The following GP6 variants were observed in gnomAD, a reference collection of about 807,000 sequenced individuals.
The protein encoded by GP6 is platelet glycoprotein VI.
Under a neutral mutation model 37.3 loss-of-function variants are expected in GP6, and 45 were observed. The ratio of observed to expected loss-of-function variants is 1.21; its 90% CI spans 0.95 to 1.55. The LOEUF is 1.55. GP6 is among the 40% of genes most tolerant of loss of function. The pLI, the probability that GP6 is intolerant of heterozygous loss-of-function variation, is 0.00. For missense variants in GP6, 813 were observed against 760.2 expected, an observed-to-expected ratio of 1.07 and a Z score of -0.82; for synonymous variants, 340 against 316.4, an observed-to-expected ratio of 1.07 and a Z score of -0.79.
At chr19:55,023,971 A>G (rs1367304883) in intron 5 of GP6, among the ~76,000 whole-genome samples, 1 of 121,544 alleles carries the variant, frequency 8.2e-6, no homozygotes, top group Admixed American at 8.4e-5. Flanking sequence ...TGAATATAAA[A>G]GGGTAGCCCA....
Position 55,018,694 on chromosome 19 carries a change from C to A in GP6, c.682G>T (p.Ala228Ser), listed in dbSNP as rs781194651. The stretch of plus-strand genomic sequence containing the variant: ...TTTGTGAATGAGACGGTCAGTTCAG[C>A]GGTGGCTTCTGAGAATTCTAAGAAA... Residue 228 changes from alanine to serine, a missense_variant, in exon 6 of 8, where the codon GCT becomes TCT. Transcript: ENST00000310373. 1.2e-6 allele frequency: 2 copies of A among 1,608,914 alleles called. No homozygotes were observed. The highest frequency in any genetic ancestry group is 2.7e-5 in the African/African-American group (2 of 74,818).
chr19:55,025,362 C>G (rs964419339), intron 4 of GP6, 91 bp from the exon 5 acceptor site: 2 of 839,050 alleles, frequency 2.4e-6, no homozygotes, highest in Non-Finnish European at 4.0e-6. Context: ...GTTTCCTCAC[C>G]GGAAAAATGA....
chr19:55,029,478 C>T (rs2074479126), intron 3 of GP6, among the ~76,000 whole-genome samples: 1 of 144,662 alleles, frequency 6.9e-6, no homozygotes, highest in Non-Finnish European at 1.5e-5. Flanking sequence ...GCAACCTCCA[C>T]CTCCTGGGTT....
intron 1 of GP6, among the ~76,000 whole-genome samples, chr19:55,034,599 A>G (rs753976311): frequency 9.2e-5 from 14 of 151,966 alleles, no homozygotes; most frequent in Non-Finnish European, 1.9e-4. Flanking sequence ...CTCCAGACTG[A>G]CAACAGAGCA....
At chr19:55,015,656 G>A (rs1471063999) in intron 7 of GP6, 27 bp downstream of exon 7, 2 of 1,410,810 alleles carry the variant, frequency 1.4e-6, no homozygotes, top group Non-Finnish European at 2.0e-6. Flanking sequence ...GAGAAGGAAG[G>A]GGGTCTGGAG....
rs1361775751 is a variant in GP6 at position 55,033,099 on chromosome 19, CTCGTTCGTGTTAGACACGGTGGGT to C, written c.35-585_35-562del. Among the ~76,000 whole-genome samples the C allele has an allele frequency of 1.2e-3, 25 of 20,994 alleles. 1 individual carries two copies. Among genetic ancestry groups the C allele is most frequent in the African/African-American group, 2.7e-3 (24 of 9,028 alleles). The allele number at this position is 20,994 out of a possible 152,430, so 13.8% of individuals were successfully genotyped here. A position where few individuals can be genotyped will look rare whatever the true frequency, so the allele number is the denominator to read the frequency against. On this transcript the variant is annotated intron_variant, in intron 1 of 7. Coordinates refer to ENST00000310373, the MANE Select transcript of GP6 (RefSeq NM_001083899.2). ...TTCGTGTTGTGTTAGACACGGTGGACTCGTTCGTGTTAGACACGGTGGGTTCGTTCGTGTTAGACACGGTGGGTT... is the reference window on the plus strand; with the variant it reads ...TTCGTGTTGTGTTAGACACGGTGGACTCGTTCGTGTTAGACACGGTGGGTT...
rs1671153 is a variant in GP6, at chr19:55,015,821, G to T, written c.725-88C>A. On this transcript the variant is annotated intron_variant, in intron 6 of 7. Coordinates refer to ENST00000310373, the MANE Select transcript of GP6 (RefSeq NM_001083899.2). Reference sequence around the variant, plus strand: ...CTACTCCGAACACACACACACATGGGGAGGCACAATTCCACAGCATTTAAG... The same window carrying T: ...CTACTCCGAACACACACACACATGGTGAGGCACAATTCCACAGCATTTAAG... 606,730 of 767,388 alleles carry T rather than the reference G, an allele frequency of 0.79. 243,203 individuals are homozygous for T. Among genetic ancestry groups the T allele is most frequent in the Non-Finnish European group, 0.82 (347,790 of 422,046 alleles). The allele number at this position is 767,388 out of a possible 1,614,324, so 47.5% of individuals were successfully genotyped here. A position where few individuals can be genotyped will look rare whatever the true frequency, so the allele number is the denominator to read the frequency against.
chr19:55,032,277 T>G lies in GP6; in HGVS notation c.187A>C (p.Ser63Arg). The change falls in exon 3 of 8, where the codon AGT becomes CGT. Residue 63 changes from serine (S) to arginine (R), a missense_variant. Ser to Arg is a moderately radical substitution (Grantham distance 110, BLOSUM62 -1). Coordinates refer to ENST00000310373, the MANE Select transcript of GP6 (RefSeq NM_001083899.2). ...GCCTGATCCTGGTACCTGCTGGAAC[T>G]CAGCTTCTCCAGGCGGTACAGGTCC... is the stretch of plus-strand genomic sequence containing the variant. 6.2e-7 allele frequency: 1 copy of G among 1,614,160 alleles called. No homozygotes were observed. The highest frequency in any genetic ancestry group is 8.5e-7 in the Non-Finnish European group (1 of 1,180,022).
intron 3 of GP6, among the ~76,000 whole-genome samples, chr19:55,028,636 A>G (rs190337329): frequency 2.6e-5 from 4 of 152,310 alleles, no homozygotes; most frequent in African/African-American, 9.6e-5. Flanking sequence ...TTGTTTTTCA[A>G]TTATACCTCA....
intron 5 of GP6, among the ~76,000 whole-genome samples, chr19:55,019,900 G>C (rs899452825): frequency 6.6e-6 from 1 of 151,868 alleles, no homozygotes; most frequent in Non-Finnish European, 1.5e-5. Flanking sequence ...GGATGGTCTC[G>C]ATCTCCTGAC....
chr19:55,030,024 A>C (rs1350832213), intron 3 of GP6, among the ~76,000 whole-genome samples: 1 of 152,196 alleles, frequency 6.6e-6, no homozygotes. Context: ...ATTCCCAAAC[A>C]ATTAACATAT....
At position 55,014,213 on chromosome 19, in the gene GP6, C is replaced by G. The variant is rs766725027; in HGVS notation, c.1732G>C (p.Glu578Gln). The G allele has an allele frequency of 1.3e-6, 1 of 772,156 alleles. No individual in the cohort carries two copies. The highest frequency in any genetic ancestry group is 2.3e-6 in the Non-Finnish European group (1 of 437,934). The allele number at this position is 772,156 out of a possible 1,614,324, so 47.8% of individuals were successfully genotyped here. ...CTGCCTCCCAGGCTCAAGCCATTCT[C>G]CCACCTCAGCCCCCTGAGTTGCTGG... Residue 578 changes from glutamate (E) to glutamine (Q), a missense_variant, in exon 8 of 8, where the codon GAG becomes CAG. Coordinates refer to ENST00000310373, the MANE Select transcript of GP6 (RefSeq NM_001083899.2).
intron 5 of GP6, among the ~76,000 whole-genome samples, chr19:55,022,715 A>G (rs1396637678): frequency 2.0e-5 from 3 of 152,220 alleles, no homozygotes; most frequent in African/African-American, 2.4e-5. Context: ...TACACCAACA[A>G]TAGACAGGCA....
At chr19:55,030,335 G>A (rs940104630) in intron 3 of GP6, among the ~76,000 whole-genome samples, 1 of 147,564 alleles carries the variant, frequency 6.8e-6, no homozygotes, top group Non-Finnish European at 1.5e-5. Context: ...GGGCAACATA[G>A]TAAGACCTCT....
intron 1 of GP6, among the ~76,000 whole-genome samples, chr19:55,037,588 C>T (rs575928037): frequency 8.9e-5 from 13 of 145,408 alleles, no homozygotes; most frequent in African/African-American, 1.3e-4. Flanking sequence ...CCACCCGCCT[C>T]GGCCTCCCAA....
chr19:55,014,743 A>G lies in GP6; in HGVS notation c.1202T>C (p.Val401Ala), dbSNP rs1602523958. The stretch of plus-strand genomic sequence containing the variant: ...TGCCCTCAGACAGAGAGGCAGACAG[A>G]CAGACAGACACTGGCCGAACGGCTC... Residue 401 changes from valine (V) to alanine (A), a missense_variant, in exon 8 of 8, where the codon GTC (valine) becomes GCC (alanine). Transcript: ENST00000310373. The G allele has an allele frequency of 6.2e-7, 1 of 1,613,888 alleles. No homozygotes were observed. Among genetic ancestry groups the G allele is most frequent in the Non-Finnish European group, 8.5e-7 (1 of 1,179,942 alleles).
chr19:55,018,522 A>T lies in GP6; in HGVS notation c.724+130T>A, dbSNP rs2073958249. The T allele has an allele frequency of 3.9e-6, 3 of 778,726 alleles. No individual in the cohort carries two copies. In the South Asian group the frequency reaches 4.1e-5, roughly 11 times the overall value. 48.2% of individuals were successfully genotyped at this position (778,726 alleles called of 1,614,324 possible). On this transcript the variant is annotated intron_variant, in intron 6 of 7. Transcript: ENST00000310373. Reference sequence around the variant, plus strand: ...CTCTGCACCCATGCTCTAGCCTCACACCAAGGACTTTCTTGGTAAGAGACG... The same window carrying T: ...CTCTGCACCCATGCTCTAGCCTCACTCCAAGGACTTTCTTGGTAAGAGACG...
intron 5 of GP6, 130 bp from the exon 6 acceptor site, chr19:55,018,841 C>T: frequency 1.3e-6 from 1 of 741,776 alleles, no homozygotes; most frequent in Non-Finnish European, 2.5e-6. Context: ...ACACTGAAGA[C>T]AGACAAATTC....
rs1205398705 is a variant in GP6, at chr19:55,015,955, T to A, written c.725-222A>T. 2.0e-5 allele frequency among the ~76,000 whole-genome samples: 3 copies of A among 151,802 alleles called. No homozygotes were observed. In the East Asian group the frequency reaches 5.8e-4, roughly 29 times the overall value. ...GAGTTCAAGACCAACCTGAGCAACA[T>A]AGAAAAACCCTATCTCTACAAAAAA... is the stretch of plus-strand genomic sequence containing the variant. On this transcript the variant is annotated intron_variant, in intron 6 of 7. Coordinates refer to ENST00000310373, the MANE Select transcript of GP6 (RefSeq NM_001083899.2).
Sources: gnomAD v4.1 joint callset for allele counts (sites outside exome capture counted in the v4.1 genomes callset) on GRCh38, gnomAD v4.1.1 for gene constraint, MANE v1.5 for transcripts, NCBI Gene and HGNC (gene_info 2026-07-23, HGNC 2026-07-21) for gene names.